SBF2: variants seen among roughly 807,000 people sequenced by gnomAD.
SBF2 encodes myotubularin-related protein 13.
A neutral mutation model predicts 225.2 loss-of-function variants in SBF2; 112 were observed. The observed-to-expected ratio is 0.50, with a 90% CI of 0.43 to 0.58. The LOEUF is 0.58. SBF2 is among the 20% of genes least tolerant of loss of function. The pLI is 0.00. For synonymous variants in SBF2, 763 were observed against 773.3 expected (o/e 0.99, Z 0.22); for missense variants, 1,996 against 2,206.2 (o/e 0.90, Z 1.91).
chr11:10,140,862 T>C (rs1027414533), intron 2 of SBF2, among the ~76,000 whole-genome samples: 1 of 152,222 alleles, frequency 6.6e-6, no homozygotes, highest in African/African-American at 2.4e-5. Flanking sequence ...AATTGGTTGA[T>C]GTGGGAAAAA....
intron 28 of SBF2, among the ~76,000 whole-genome samples, chr11:9,822,422 G>A (rs1180630751): frequency 1.3e-5 from 2 of 152,014 alleles, no homozygotes; most frequent in African/African-American, 4.8e-5. Flanking sequence ...CACCACGCCC[G>A]GCTAATTTTT....
intron 6 of SBF2, among the ~76,000 whole-genome samples, chr11:10,025,495 C>G (rs959120718): frequency 6.6e-6 from 1 of 152,156 alleles, no homozygotes; most frequent in Non-Finnish European, 1.5e-5. Context: ...AACAAGGGCC[C>G]TTAGGAAAAA....
chr11:9,790,433 CTTTTTGGT>C lies in SBF2; in HGVS notation c.4698+115_4698+122del, dbSNP rs1476350111. 10 of 795,956 alleles carry C rather than the reference CTTTTTGGT, an allele frequency of 1.3e-5. No individual in the cohort carries two copies. In the African/African-American group the frequency reaches 1.6e-4, roughly 13 times the overall value. 49.3% of individuals were successfully genotyped at this position (795,956 alleles called of 1,614,324 possible). ...TATAGTGTCTCAAACTTTGAAATAG[CTTTTTGGT>C]ATGAAACCTAGTCCAATGTTTATAA... On this transcript the variant is annotated intron_variant, in intron 34 of 39. Coordinates refer to ENST00000256190, the MANE Select transcript of SBF2 (RefSeq NM_030962.4).
intron 16 of SBF2, chr11:9,959,867 G>A: frequency 2.1e-6 from 1 of 471,938 alleles, no homozygotes; most frequent in Non-Finnish European, 4.1e-6. Flanking sequence ...AGGAGGGGAG[G>A]CCACTGTGCG....
At chr11:10,070,860 T>G (rs1249126037) in intron 2 of SBF2, among the ~76,000 whole-genome samples, 1 of 152,048 alleles carries the variant, frequency 6.6e-6, no homozygotes, top group Admixed American at 6.6e-5. Flanking sequence ...TAGTTCTCCC[T>G]GAAGAAGTCC....
chr11:9,967,172 C>A (rs55927206), intron 14 of SBF2, among the ~76,000 whole-genome samples: 16,838 of 152,014 alleles, frequency 0.11, 1,077 homozygotes, highest in East Asian at 0.31. Flanking sequence ...GAGGTCAAGA[C>A]CATCCTGGCT....
At chr11:10,037,899 T>C (rs1407863335) in intron 3 of SBF2, among the ~76,000 whole-genome samples, 2 of 152,040 alleles carry the variant, frequency 1.3e-5, no homozygotes, top group Non-Finnish European at 2.9e-5. Flanking sequence ...TTTTTATTAC[T>C]CCATTTTCCA....
At chr11:10,167,223 A>T (rs1030067907) in intron 2 of SBF2, among the ~76,000 whole-genome samples, 7 of 152,222 alleles carry the variant, frequency 4.6e-5, no homozygotes, top group Admixed American at 3.3e-4. Flanking sequence ...GCAAGAAACT[A>T]ATGTCCACCG....
intron 2 of SBF2, among the ~76,000 whole-genome samples, chr11:10,183,596 T>A (rs1161169028): frequency 6.6e-6 from 1 of 152,158 alleles, no homozygotes; most frequent in African/African-American, 2.4e-5. Context: ...TTGTGTATGG[T>A]TTAAGGGTCA....
At chr11:9,805,631 T>C (rs1181157983) in intron 32 of SBF2, among the ~76,000 whole-genome samples, 1 of 152,130 alleles carries the variant, frequency 6.6e-6, no homozygotes, top group Non-Finnish European at 1.5e-5. Flanking sequence ...AGATTTTTTT[T>C]TTTTCCCCCA....
chr11:10,218,151 C>T (rs976039149), intron 1 of SBF2, among the ~76,000 whole-genome samples: 16 of 152,108 alleles, frequency 1.1e-4, no homozygotes, highest in African/African-American at 3.6e-4. Flanking sequence ...CCACCTGCCT[C>T]GGCCTCCCAA....
chr11:10,083,368 A>T (rs1012432142), intron 2 of SBF2, among the ~76,000 whole-genome samples: 4 of 152,208 alleles, frequency 2.6e-5, no homozygotes, highest in African/African-American at 7.2e-5. Flanking sequence ...TTTTTCACAG[A>T]ATTAGAAAAA....
chr11:10,015,980 T>C (rs1304729245), intron 6 of SBF2, among the ~76,000 whole-genome samples: 1 of 152,162 alleles, frequency 6.6e-6, no homozygotes, highest in Non-Finnish European at 1.5e-5. Context: ...TCCCACCTTG[T>C]TGTCCAGGCT....
intron 17 of SBF2, among the ~76,000 whole-genome samples, chr11:9,894,460 C>T (rs532213375): frequency 1.8e-4 from 27 of 150,700 alleles, no homozygotes; most frequent in Middle Eastern, 3.5e-3. Context: ...GAGGTTGCAG[C>T]GAGCTGAAAT....
chr11:10,216,737 G>A (rs1212309963), intron 1 of SBF2, among the ~76,000 whole-genome samples: 5 of 152,148 alleles, frequency 3.3e-5, no homozygotes, highest in Admixed American at 6.6e-5. Flanking sequence ...GGGTGTGGTG[G>A]CGGGCCCCTG....
chr11:10,156,229 G>A (rs1955470504), intron 2 of SBF2, among the ~76,000 whole-genome samples: 1 of 152,216 alleles, frequency 6.6e-6, no homozygotes, highest in Non-Finnish European at 1.5e-5. Context: ...TGCACTCAGG[G>A]TGGTGCTGAC....
chr11:9,926,050 A>G (rs1191067648), intron 16 of SBF2, among the ~76,000 whole-genome samples: 1 of 152,200 alleles, frequency 6.6e-6, no homozygotes, highest in Non-Finnish European at 1.5e-5. Context: ...TCAAAGACTG[A>G]TATGTGGATC....
intron 16 of SBF2, among the ~76,000 whole-genome samples, chr11:9,947,568 T>A (rs1865635420): frequency 6.6e-6 from 1 of 152,204 alleles, no homozygotes; most frequent in Non-Finnish European, 1.5e-5. Context: ...TTTCTCTGTA[T>A]GGTGCTGTTA....
intron 1 of SBF2, among the ~76,000 whole-genome samples, chr11:10,253,826 G>A (rs1960601608): frequency 6.6e-6 from 1 of 151,690 alleles, no homozygotes; most frequent in African/African-American, 2.4e-5. Flanking sequence ...GCTGATCCCA[G>A]ATAAAAAGCC....
Sources: allele counts gnomAD v4.1 joint callset (sites outside exome capture counted in the v4.1 genomes callset), GRCh38; gene constraint gnomAD v4.1.1; transcripts MANE v1.5; gene names NCBI Gene and HGNC (gene_info 2026-07-23, HGNC 2026-07-21).